The following ZP4 variants were observed in gnomAD, a reference collection of about 807,000 sequenced individuals.
ZP4 encodes the protein zona pellucida glycoprotein 4, also known as zona pellucida sperm-binding protein 4.
In ZP4, 62 loss-of-function variants were observed where a neutral mutation model predicts 62.3. The observed-to-expected ratio is 0.99, with a 90% CI of 0.81 to 1.23. ZP4 has a LOEUF of 1.23. Ranked by LOEUF, ZP4 falls within the 50% of genes most tolerant of loss-of-function variation. The probability of loss-of-function intolerance (pLI) is 0.00; values close to 1 mark genes in which losing one functional copy is unlikely to be tolerated. For missense variants in ZP4, 774 were observed against 656.0 expected (o/e 1.18, Z -1.97); for synonymous variants, 289 against 247.3 (o/e 1.17, Z -1.58).
chr1:237,888,555 T>C, intron 3 of ZP4, 45 bp from the exon 4 acceptor site: 1 of 1,539,016 alleles, frequency 6.5e-7, no homozygotes, highest in Non-Finnish European at 8.8e-7. Context: ...ATGGAAAAGT[T>C]AGTCTTGAAT....
intron 10 of ZP4, among the ~76,000 whole-genome samples, chr1:237,883,694 C>T (rs1186062105): frequency 1.4e-4 from 1 of 7,024 alleles, no homozygotes; most frequent in Non-Finnish European, 2.8e-4. Flanking sequence ...CGGGGGAGGG[C>T]GGGGGAGGGC....
In ZP4 at chr1:237,885,579, A is replaced by T; in HGVS notation, c.972T>A (p.Asp324Glu). Reference sequence around the variant, plus strand: ...CACCGTAGTAAGAGCCATAGTTTTTATCTGCAAGAGGCAGAAATAAGGATT... The same window carrying T: ...CACCGTAGTAAGAGCCATAGTTTTTTTCTGCAAGAGGCAGAAATAAGGATT... ...PLTLELQIAK[D>E]KNYGSYYGVG... is the part of the protein sequence containing the mutation. Residue 324 changes from aspartate (D) to glutamate (E), a missense_variant and splice_region_variant, in exon 8 of 12, where the codon GAT becomes GAA. Coordinates refer to ENST00000366570, the MANE Select transcript of ZP4 (RefSeq NM_021186.5). 6.2e-6 allele frequency: 10 copies of T among 1,612,772 alleles called. No individual in the cohort carries two copies. The highest frequency in any genetic ancestry group is 8.5e-6 in the Non-Finnish European group (10 of 1,179,496).
chr1:237,883,718 G>GAGAGA (rs1558530100), intron 10 of ZP4, among the ~76,000 whole-genome samples: 3 of 19,148 alleles, frequency 1.6e-4, no homozygotes, highest in African/African-American at 5.0e-4. Context: ...GGAGGGCGGG[G>GAGAGA]GAGGGCGGGG....
At chr1:237,889,782 A>G (rs752107272) in intron 3 of ZP4, 85 bp downstream of exon 3, 4 of 1,182,972 alleles carry the variant, frequency 3.4e-6, no homozygotes, top group Non-Finnish European at 5.0e-6. Context: ...GTGTCACTGC[A>G]CAGAGCAGGT....
At chr1:237,884,023 CACACACACAA>C (rs1558531128) in intron 10 of ZP4, among the ~76,000 whole-genome samples, 876 of 64,960 alleles carry the variant, frequency 0.013, 10 homozygotes, top group Middle Eastern at 0.022. Flanking sequence ...CACAAACACA[CACACACACAA>C]ACACACACAA....
rs778366741 is a variant in ZP4 at position 237,885,356 on chromosome 1, G to A, written c.1160+35C>T. 28 of 1,611,498 alleles carry A rather than the reference G, an allele frequency of 1.7e-5. No homozygotes were observed. In the South Asian group the frequency reaches 2.5e-4, roughly 15 times the overall value. On this transcript the variant is annotated intron_variant, in intron 8 of 11. Coordinates refer to ENST00000366570, the MANE Select transcript of ZP4 (RefSeq NM_021186.5). ...CAGCAGTCAGGATGGGCTTCTTTGA[G>A]AATTTCAGCACAGGTGTATGAAAGA...
chr1:237,885,889 G>A lies in ZP4; in HGVS notation c.840-3C>T. The A allele has an allele frequency of 2.5e-6, 4 of 1,613,950 alleles. No homozygotes were observed. The highest frequency in any genetic ancestry group is 3.4e-6 in the Non-Finnish European group (4 of 1,179,976). ...AGTAGCTGCAGCTGACATGGAGCCT[G>A]CAGAGAAACAAGATTTTAGCTAGTT... On this transcript the variant is annotated splice_polypyrimidine_tract_variant and splice_region_variant and intron_variant, in intron 6 of 11. Transcript: ENST00000366570.
At chr1:237,889,727 ATGGAGG>A in intron 3 of ZP4, 134 bp downstream of exon 3, 1 of 785,454 alleles carries the variant, frequency 1.3e-6, no homozygotes, top group South Asian at 1.6e-5. Context: ...AGGATTGCCC[ATGGAGG>A]TGAGAGTTGG....
At position 237,890,722 on chromosome 1, in the gene ZP4, A is replaced by AT. The variant is rs1665223958; in HGVS notation, c.-88_-87insA. On this transcript the variant is annotated 5_prime_UTR_variant, in exon 1 of 12. Transcript: ENST00000366570. The stretch of plus-strand genomic sequence containing the variant: ...TCTGCCTGCCCAGATTCCTTTATAT[A>AT]CAGAAGTCAGGCTTGTTTTCAGCTG... 7.6e-6 allele frequency: 11 copies of AT among 1,454,136 alleles called. No individual in the cohort carries two copies. The highest frequency in any genetic ancestry group is 2.3e-5 in the Admixed American group (1 of 42,670). 90.1% of individuals were successfully genotyped at this position (1,454,136 alleles called of 1,614,324 possible).
At chr1:237,883,619 T>C (rs12741739) in intron 10 of ZP4, among the ~76,000 whole-genome samples, 9,202 of 72,208 alleles carry the variant, frequency 0.13, 2,162 homozygotes, top group African/African-American at 0.47. Flanking sequence ...GAGGCTGAGG[T>C]GGGAGAGAGG....
chr1:237,885,081 G>T, intron 9 of ZP4, 84 bp downstream of exon 9: 1 of 1,540,578 alleles, frequency 6.5e-7, no homozygotes, highest in South Asian at 1.3e-5. Context: ...GGCTTCCTTG[G>T]CTGCAGAGTA....
In ZP4 at chr1:237,890,609, C is replaced by T. The variant is rs144224198; in HGVS notation, c.27G>A (p.Leu9=). 9.9e-6 allele frequency: 16 copies of T among 1,613,640 alleles called. No homozygotes were observed. The highest frequency in any genetic ancestry group is 6.7e-5 in the African/African-American group (5 of 74,896). ...TCACAGCAAGAGATAATGAAACACA[C>T]AGCAAAACGCACCGCAGCAGCCACA... MWLLRCVL[L]CVSLSLAVSG... The change falls in exon 1 of 12, where the codon CTG becomes CTA. Residue 9 remains leucine (L), a synonymous_variant. Transcript: ENST00000366570.
In ZP4 at chr1:237,890,070, G is replaced by A; in HGVS notation, c.282C>T (p.Cys94=). ...TCATACTCACCCACTCAGTGACATAGCAGCTGCTATAGGTTGCCTCCAACA... is the reference window on the plus strand; with the variant it reads ...TCATACTCACCCACTCAGTGACATAACAGCTGCTATAGGTTGCCTCCAACA... ...SVVLEATYSS[C]YVTEWDSHYI... The change falls in exon 2 of 12, where the codon TGC becomes TGT. Residue 94 remains cysteine (C), a synonymous_variant. Coordinates refer to ENST00000366570, the MANE Select transcript of ZP4 (RefSeq NM_021186.5). 3.1e-6 allele frequency: 5 copies of A among 1,614,124 alleles called. No individual in the cohort carries two copies. The highest frequency in any genetic ancestry group is 4.2e-6 in the Non-Finnish European group (5 of 1,180,028).
chr1:237,884,927 A>G (rs116738146), intron 9 of ZP4, 80 bp from the exon 10 acceptor site: 15,372 of 1,452,502 alleles, frequency 0.011, 146 homozygotes, highest in Admixed American at 0.028. Context: ...CCCCAGGAAG[A>G]GGTTCAGGAA....
At chr1:237,883,783 AAGAGAGAGGAAG>A (rs1664997815) in intron 10 of ZP4, among the ~76,000 whole-genome samples, 1 of 122,716 alleles carries the variant, frequency 8.1e-6, no homozygotes, top group Non-Finnish European at 1.7e-5. Context: ...AAGAGAGAGG[AAGAGAGAGGAAG>A]AGAGAGGAAG....
In ZP4 at chr1:237,888,495, T is replaced by TC; in HGVS notation, c.415dup (p.Asp139GlyfsTer3). 6.2e-7 allele frequency: 1 copy of TC among 1,600,244 alleles called. No homozygotes were observed. Among genetic ancestry groups the TC allele is most frequent in the Non-Finnish European group, 8.5e-7 (1 of 1,170,058 alleles). On this transcript the variant is annotated frameshift_variant, in exon 4 of 12. Transcript: ENST00000366570. LOFTEE classifies it high-confidence loss of function. ...TGGGATGGAGTCACACCAGTCAGTA[T>TC]CTGGAGCATCTCGGGCTAGGTTTTG...
At chr1:237,883,670 AGGGC>A (rs1664977266) in intron 10 of ZP4, among the ~76,000 whole-genome samples, 1 of 3,758 alleles carries the variant, frequency 2.7e-4, no homozygotes, top group African/African-American at 9.1e-4. Context: ...GGGCCGGGGG[AGGGC>A]GGGGGAGGGC....
At chr1:237,889,824 C>T (rs771609322) in intron 3 of ZP4, 43 bp downstream of exon 3, 2 of 1,420,878 alleles carry the variant, frequency 1.4e-6, no homozygotes, top group Non-Finnish European at 9.9e-7. Context: ...TCACACCCCA[C>T]CCCCACCACC....
Position 237,882,456 on chromosome 1 carries a change from T to C in ZP4, c.1589A>G (p.Lys530Arg), listed in dbSNP as rs575092660. ...ALLVSYLAVK[K>R]QKSCPDQMCQ ...CATTTGGTCTGGGCAACTCTTCTGT[T>C]TCTTGACAGCCAAGTAGGATACTAA... The change falls in exon 12 of 12, where the codon AAA (lysine) becomes AGA (arginine). Residue 530 changes from lysine to arginine, a missense_variant. Physicochemically the swap from Lys to Arg is conservative, Grantham distance 26. Transcript: ENST00000366570. The C allele has an allele frequency of 6.8e-6, 11 of 1,611,534 alleles. No homozygotes were observed. The African/African-American group carries it at 1.3e-4, about 20-fold the overall frequency.
Sources: gnomAD v4.1 joint callset for allele counts (sites outside exome capture counted in the v4.1 genomes callset) on GRCh38, gnomAD v4.1.1 for gene constraint, MANE v1.5 for transcripts, NCBI Gene and HGNC (gene_info 2026-07-23, HGNC 2026-07-21) for gene names.